Variants in TTC29 observed in about 807,000 individuals in gnomAD.
TTC29 encodes the protein tetratricopeptide repeat protein 29.
A neutral mutation model predicts 58.1 loss-of-function variants in TTC29; 49 were observed. The ratio of observed to expected loss-of-function variants is 0.84; its 90% CI spans 0.67 to 1.07. The LOEUF (loss-of-function observed/expected upper bound fraction) is 1.07. TTC29 is among the 50% of genes least tolerant of loss of function. The pLI is 0.00. For missense variants in TTC29, 582 were observed against 555.6 expected, an observed-to-expected ratio of 1.05 and a Z score of -0.48; for synonymous variants, 209 against 196.8, an observed-to-expected ratio of 1.06 and a Z score of -0.52.
At chr4:146,820,296 G>A (rs771316565) in intron 9 of TTC29, 48 bp from the exon 10 acceptor site, 1 of 1,581,474 alleles carries the variant, frequency 6.3e-7, no homozygotes, top group Non-Finnish European at 8.6e-7. Flanking sequence ...CTCACTTAAT[G>A]TCACAGTAAA....
At chr4:146,749,155 C>CA (rs56106504) in intron 11 of TTC29, among the ~76,000 whole-genome samples, 16,846 of 116,618 alleles carry the variant, frequency 0.14, 1,329 homozygotes, top group African/African-American at 0.25. Context: ...CCATTTCTAC[C>CA]AAAAAAAAAA....
chr4:146,831,285 G>A (rs1190922204), intron 9 of TTC29, among the ~76,000 whole-genome samples: 2 of 152,026 alleles, frequency 1.3e-5, no homozygotes, highest in African/African-American at 4.8e-5. Context: ...AAAAAAAATA[G>A]ATAGGTTCTC....
intron 8 of TTC29, among the ~76,000 whole-genome samples, chr4:146,838,905 C>T (rs1728675831): frequency 6.6e-6 from 1 of 151,948 alleles, no homozygotes; most frequent in Non-Finnish European, 1.5e-5. Flanking sequence ...TTCACTTTAA[C>T]AAGTGAAATT....
intron 7 of TTC29, among the ~76,000 whole-genome samples, chr4:146,869,097 TAAAAAAAAAAA>T (rs35029868): frequency 9.1e-6 from 1 of 110,458 alleles, no homozygotes; most frequent in East Asian, 2.6e-4. Context: ...GAGCTTTAAG[TAAAAAAAAAAA>T]AAAAAAAAAA....
chr4:146,893,813 C>T (rs1280322652), intron 6 of TTC29, among the ~76,000 whole-genome samples: 1 of 152,126 alleles, frequency 6.6e-6, no homozygotes, highest in African/African-American at 2.4e-5. Context: ...CCAGAATCTA[C>T]AAGGAACTCC....
At chr4:146,849,025 G>A (rs908465320) in intron 8 of TTC29, among the ~76,000 whole-genome samples, 1 of 152,068 alleles carries the variant, frequency 6.6e-6, no homozygotes, top group Non-Finnish European at 1.5e-5. Context: ...TGCCTAGCCT[G>A]GTCCCTACTC....
chr4:146,864,855 A>G (rs1338425893), intron 8 of TTC29, among the ~76,000 whole-genome samples: 1 of 151,486 alleles, frequency 6.6e-6, no homozygotes, highest in African/African-American at 2.4e-5. Context: ...TGAGCACTTC[A>G]TCTCAAGATC....
intron 8 of TTC29, among the ~76,000 whole-genome samples, chr4:146,839,470 A>C (rs1359932430): frequency 6.6e-6 from 1 of 151,930 alleles, no homozygotes; most frequent in Non-Finnish European, 1.5e-5. Flanking sequence ...TATAGCTATT[A>C]TATAGCAATA....
At chr4:146,714,887 G>C (rs1742814237) in intron 11 of TTC29, among the ~76,000 whole-genome samples, 1 of 152,138 alleles carries the variant, frequency 6.6e-6, no homozygotes, top group Non-Finnish European at 1.5e-5. Context: ...TTCTTTTATT[G>C]AGACAGGGTC....
intron 6 of TTC29, among the ~76,000 whole-genome samples, chr4:146,881,318 G>T (rs34018903): frequency 0.23 from 34,969 of 152,018 alleles, 4,329 homozygotes; most frequent in Admixed American, 0.31. Context: ...AGATCCATAA[G>T]ACCTATTTCT....
At chr4:146,728,460 C>T (rs1743954940) in intron 11 of TTC29, among the ~76,000 whole-genome samples, 1 of 151,598 alleles carries the variant, frequency 6.6e-6, no homozygotes, top group Admixed American at 6.6e-5. Flanking sequence ...GGACTGCTTC[C>T]CCCAAGATAA....
chr4:146,834,578 C>T (rs1314055935), intron 8 of TTC29, among the ~76,000 whole-genome samples: 1 of 152,056 alleles, frequency 6.6e-6, no homozygotes, highest in Admixed American at 6.6e-5. Context: ...AAACAGAATC[C>T]CCATTCTTCC....
chr4:146,706,632 G>C lies in TTC29; in HGVS notation c.*526C>G, dbSNP rs528272161. On this transcript the variant is annotated 3_prime_UTR_variant, in exon 13 of 13. Transcript: ENST00000325106. ...TTAGTTAAACTTTTTAAGTTGACAT[G>C]GATAAGTTTTATTATGTGCTATCAG... The C allele has an allele frequency of 2.6e-5, 4 of 152,170 alleles. No homozygotes were observed. The highest frequency in any genetic ancestry group is 1.3e-4 in the Admixed American group (2 of 15,276). The allele number at this position is 152,170 out of a possible 1,614,324, so 9.4% of individuals were successfully genotyped here. A position where few individuals can be genotyped will look rare whatever the true frequency, so the allele number is the denominator to read the frequency against.
intron 11 of TTC29, among the ~76,000 whole-genome samples, chr4:146,793,349 T>G (rs962205578): frequency 1.3e-5 from 2 of 152,164 alleles, no homozygotes; most frequent in Admixed American, 6.6e-5. Flanking sequence ...ACCACCACCC[T>G]GATCAATCAA....
intron 6 of TTC29, among the ~76,000 whole-genome samples, chr4:146,890,368 G>A (rs1454473607): frequency 6.6e-6 from 1 of 152,194 alleles, no homozygotes; most frequent in Non-Finnish European, 1.5e-5. Context: ...CATCTTACTT[G>A]TGGGGCTATA....
At chr4:146,771,107 T>C (rs1747693852) in intron 11 of TTC29, among the ~76,000 whole-genome samples, 1 of 152,074 alleles carries the variant, frequency 6.6e-6, no homozygotes, top group Non-Finnish European at 1.5e-5. Flanking sequence ...CATCATAATT[T>C]TTGATACAGT....
At chr4:146,808,641 T>C in intron 10 of TTC29, among the ~76,000 whole-genome samples, 1 of 152,126 alleles carries the variant, frequency 6.6e-6, no homozygotes, top group East Asian at 1.9e-4. Context: ...TCACAATTGC[T>C]ACAAAGAGAA....
chr4:146,902,368 A>G (rs1733210234), intron 6 of TTC29, among the ~76,000 whole-genome samples: 2 of 152,172 alleles, frequency 1.3e-5, no homozygotes, highest in Non-Finnish European at 2.9e-5. Flanking sequence ...TGGGTGATGA[A>G]ATAATCTATA....
At chr4:146,786,761 G>A (rs1749049762) in intron 11 of TTC29, among the ~76,000 whole-genome samples, 1 of 152,078 alleles carries the variant, frequency 6.6e-6, no homozygotes, top group Non-Finnish European at 1.5e-5. Flanking sequence ...TAGAAAATCT[G>A]TATAAATTTT....
Sources: allele counts gnomAD v4.1 joint callset (sites outside exome capture counted in the v4.1 genomes callset), GRCh38; gene constraint gnomAD v4.1.1; transcripts MANE v1.5; gene names NCBI Gene and HGNC (gene_info 2026-07-23, HGNC 2026-07-21).